The following TSPAN9 variants were observed in gnomAD, a reference collection of about 807,000 sequenced individuals.
TSPAN9 encodes the protein tetraspanin-9.
In TSPAN9, 16 loss-of-function variants were observed where a neutral mutation model predicts 31.0. That is an observed-to-expected ratio of 0.52 (90% CI 0.35 to 0.78). TSPAN9 has a LOEUF of 0.78. Ranked by LOEUF, TSPAN9 falls within the 30% of genes least tolerant of loss-of-function variation. The pLI is 0.01. For synonymous variants in TSPAN9, 145 were observed against 121.6 expected, an observed-to-expected ratio of 1.19 and a Z score of -1.27; for missense variants, 272 against 312.5, an observed-to-expected ratio of 0.87 and a Z score of 0.98.
intron 3 of TSPAN9, among the ~76,000 whole-genome samples, chr12:3,224,656 G>T (rs1337265953): frequency 6.6e-6 from 1 of 152,226 alleles, no homozygotes; most frequent in Non-Finnish European, 1.5e-5. Flanking sequence ...CGAGCAGCCT[G>T]GGATCTCCGA....
At chr12:3,281,866 T>G (rs564247) in intron 8 of TSPAN9, 49 bp downstream of exon 8, 544,921 of 1,595,074 alleles carry the variant, frequency 0.34, 94,351 homozygotes, top group Middle Eastern at 0.48. Flanking sequence ...GGCCTCAGCC[T>G]CAGAGGGAAG....
intron 2 of TSPAN9, among the ~76,000 whole-genome samples, chr12:3,175,454 A>C (rs2098355019): frequency 6.6e-6 from 1 of 152,198 alleles, no homozygotes; most frequent in African/African-American, 2.4e-5. Flanking sequence ...AGACACCAGG[A>C]AGGTCAGAAG....
rs111823636 is a variant in TSPAN9 at position 3,255,583 on chromosome 12, T to C, written c.64-22838T>C. Among the ~76,000 whole-genome samples the C allele has an allele frequency of 9.2e-3, 1,400 of 152,350 alleles. 9 individuals carry two copies. Among genetic ancestry groups the C allele is most frequent in the Middle Eastern group, 0.024 (7 of 294 alleles). ...GTGTGGGGAGGACGGCACGGGGGCCTGTGTCAATTCCATGGAAGCACCAAT... is the reference window on the plus strand; with the variant it reads ...GTGTGGGGAGGACGGCACGGGGGCCCGTGTCAATTCCATGGAAGCACCAAT... On this transcript the variant is annotated intron_variant, in intron 3 of 8. Transcript: ENST00000011898.
At chr12:3,100,050 C>T (rs1405091425) in intron 2 of TSPAN9, among the ~76,000 whole-genome samples, 2 of 152,024 alleles carry the variant, frequency 1.3e-5, no homozygotes, top group African/African-American at 4.8e-5. Context: ...ACCATGTTAG[C>T]CGGGATGGTC....
intron 2 of TSPAN9, among the ~76,000 whole-genome samples, chr12:3,175,085 G>C (rs1426080295): frequency 6.6e-6 from 1 of 152,142 alleles, no homozygotes; most frequent in Non-Finnish European, 1.5e-5. Context: ...ACACAACCCT[G>C]AGTGCTGTGC....
intron 2 of TSPAN9, among the ~76,000 whole-genome samples, chr12:3,089,941 CT>C (rs59546545): frequency 0.011 from 1,730 of 151,712 alleles, 27 homozygotes; most frequent in African/African-American, 0.039. Context: ...TAAAAGCATC[CT>C]TTTTTTTGTT....
intron 2 of TSPAN9, among the ~76,000 whole-genome samples, chr12:3,183,723 C>G (rs1267992661): frequency 2.0e-5 from 3 of 152,156 alleles, no homozygotes; most frequent in African/African-American, 7.2e-5. Context: ...GCCTGGGACC[C>G]ACGCTTGGAG....
chr12:3,079,136 C>G (rs527794700), intron 1 of TSPAN9, among the ~76,000 whole-genome samples: 1 of 152,062 alleles, frequency 6.6e-6, no homozygotes, highest in Admixed American at 6.6e-5. Context: ...CGTGCCGCCA[C>G]GCCTTCTAAT....
chr12:3,273,416 A>G (rs760571583), intron 3 of TSPAN9, among the ~76,000 whole-genome samples: 3 of 152,170 alleles, frequency 2.0e-5, no homozygotes, highest in African/African-American at 4.8e-5. Flanking sequence ...GGCCTGGACC[A>G]CACCAGGAGT....
chr12:3,250,119 T>C (rs1862220862), intron 3 of TSPAN9, among the ~76,000 whole-genome samples: 1 of 152,166 alleles, frequency 6.6e-6, no homozygotes, highest in South Asian at 2.1e-4. Context: ...AAGCGTCCAG[T>C]GCCCCTGTTT....
chr12:3,183,964 C>G (rs918742533), intron 2 of TSPAN9, among the ~76,000 whole-genome samples: 21 of 152,068 alleles, frequency 1.4e-4, no homozygotes, highest in African/African-American at 4.8e-4. Context: ...TAATTGCAGG[C>G]TGTTGTCATT....
intron 2 of TSPAN9, among the ~76,000 whole-genome samples, chr12:3,175,329 G>A (rs1318279886): frequency 6.6e-6 from 1 of 152,188 alleles, no homozygotes; most frequent in Non-Finnish European, 1.5e-5. Flanking sequence ...GTGAGACAGA[G>A]AGGCAGAGAA....
At chr12:3,084,835 C>A (rs989768577) in intron 2 of TSPAN9, among the ~76,000 whole-genome samples, 3 of 152,250 alleles carry the variant, frequency 2.0e-5, no homozygotes, top group Non-Finnish European at 4.4e-5. Context: ...CCCTGCAGCG[C>A]CTGCCTTTTC....
intron 2 of TSPAN9, among the ~76,000 whole-genome samples, chr12:3,104,913 C>T (rs1290215011): frequency 1.3e-5 from 2 of 152,214 alleles, no homozygotes; most frequent in Admixed American, 6.5e-5. Context: ...TTTAGGACAA[C>T]AGTGGACAGG....
intron 2 of TSPAN9, among the ~76,000 whole-genome samples, chr12:3,113,356 A>G (rs1338564258): frequency 6.6e-6 from 1 of 152,196 alleles, no homozygotes; most frequent in Non-Finnish European, 1.5e-5. Flanking sequence ...CATTCCAGGC[A>G]CTGGGAACAC....
At chr12:3,156,446 G>T (rs2098342320) in intron 2 of TSPAN9, among the ~76,000 whole-genome samples, 1 of 152,126 alleles carries the variant, frequency 6.6e-6, no homozygotes, top group African/African-American at 2.4e-5. Context: ...GATAGGGGAG[G>T]TGTTGGAGTT....
At chr12:3,108,517 GT>G (rs1402154007) in intron 2 of TSPAN9, among the ~76,000 whole-genome samples, 1 of 152,144 alleles carries the variant, frequency 6.6e-6, no homozygotes, top group Non-Finnish European at 1.5e-5. Flanking sequence ...GTGTTCTGCT[GT>G]GTCACACATG....
chr12:3,098,375 G>A (rs1482292776), intron 2 of TSPAN9, among the ~76,000 whole-genome samples: 1 of 152,234 alleles, frequency 6.6e-6, no homozygotes, highest in African/African-American at 2.4e-5. Context: ...GGCAGGCTGA[G>A]GGCTCAGGTG....
intron 3 of TSPAN9, among the ~76,000 whole-genome samples, chr12:3,264,171 A>C (rs1197901815): frequency 2.6e-5 from 4 of 151,890 alleles, no homozygotes; most frequent in African/African-American, 9.7e-5. Flanking sequence ...TCGAGGATGT[A>C]ATGGGGCCAG....
Sources: gnomAD v4.1 joint callset for allele counts (sites outside exome capture counted in the v4.1 genomes callset) on GRCh38, gnomAD v4.1.1 for gene constraint, MANE v1.5 for transcripts, NCBI Gene and HGNC (gene_info 2026-07-23, HGNC 2026-07-21) for gene names.